Variants in PLXDC2 observed in about 807,000 individuals in gnomAD.
The protein encoded by PLXDC2 is plexin domain containing 2.
In PLXDC2, 40 loss-of-function variants were observed where a neutral mutation model predicts 68.9. The ratio of observed to expected loss-of-function variants is 0.58; its 90% CI spans 0.45 to 0.76. PLXDC2 has a LOEUF of 0.76. Ranked by LOEUF, PLXDC2 falls within the 30% of genes least tolerant of loss-of-function variation. PLXDC2 has a pLI of 0.00. For missense variants in PLXDC2, 644 were observed against 661.9 expected, an observed-to-expected ratio of 0.97 and a Z score of 0.30; for synonymous variants, 243 against 234.2, an observed-to-expected ratio of 1.04 and a Z score of -0.34.
At chr10:20,256,915 C>G (rs1835749796) in intron 13 of PLXDC2, among the ~76,000 whole-genome samples, 1 of 152,194 alleles carries the variant, frequency 6.6e-6, no homozygotes, top group South Asian at 2.1e-4. Context: ...GATAGCACTT[C>G]TTCAAAAGAA....
At chr10:19,831,191 T>G (rs950423154) in intron 1 of PLXDC2, among the ~76,000 whole-genome samples, 1 of 152,230 alleles carries the variant, frequency 6.6e-6, no homozygotes, top group African/African-American at 2.4e-5. Flanking sequence ...TCATAAGCTG[T>G]GACTGTGATA....
At chr10:20,207,116 A>G (rs1835004077) in intron 9 of PLXDC2, among the ~76,000 whole-genome samples, 1 of 152,144 alleles carries the variant, frequency 6.6e-6, no homozygotes, top group African/African-American at 2.4e-5. Context: ...ATATGCCACA[A>G]AAAGTATGAG....
intron 6 of PLXDC2, among the ~76,000 whole-genome samples, chr10:20,149,221 TTTCTTTTC>T: frequency 7.6e-6 from 1 of 131,164 alleles, no homozygotes; most frequent in African/African-American, 2.8e-5. Context: ...TTTCTTTTTT[TTTCTTTTC>T]TTTTTTTTTT....
At chr10:20,239,164 G>A (rs552717600) in intron 12 of PLXDC2, among the ~76,000 whole-genome samples, 2 of 152,234 alleles carry the variant, frequency 1.3e-5, no homozygotes, top group South Asian at 2.1e-4. Context: ...GTTTTACTAA[G>A]TATGTGAGAA....
chr10:19,929,876 G>A lies in PLXDC2; in HGVS notation c.113-71899G>A, dbSNP rs533057938. Among the ~76,000 whole-genome samples, 4 of 152,298 alleles carry A rather than the reference G, an allele frequency of 2.6e-5. No individual in the cohort carries two copies. In the South Asian group the frequency reaches 8.3e-4, roughly 32 times the overall value. On this transcript the variant is annotated intron_variant, in intron 1 of 13. Coordinates refer to ENST00000377252, the MANE Select transcript of PLXDC2 (RefSeq NM_032812.9). Reference sequence around the variant, plus strand: ...ATATTCAGTTCCAGAAAATCACTTTGTAGGTGGAACTGTGGTAGTGCCTGT... The same window carrying A: ...ATATTCAGTTCCAGAAAATCACTTTATAGGTGGAACTGTGGTAGTGCCTGT...
In PLXDC2 at chr10:19,820,326, A is replaced by C. The variant is rs368712336; in HGVS notation, c.112+3135A>C. On this transcript the variant is annotated intron_variant, in intron 1 of 13. Transcript: ENST00000377252. ...TTCACTGTAAGCATCAGATACTCAC[A>C]GAGTATGTAGAAAATATGTGTCCGG... Among the ~76,000 whole-genome samples, 8 of 152,186 alleles carry C rather than the reference A, an allele frequency of 5.3e-5. No individual in the cohort carries two copies. In the East Asian group the frequency reaches 1.2e-3, roughly 22 times the overall value.
At chr10:19,953,943 A>C (rs1834029242) in intron 1 of PLXDC2, among the ~76,000 whole-genome samples, 1 of 152,102 alleles carries the variant, frequency 6.6e-6, no homozygotes, top group South Asian at 2.1e-4. Flanking sequence ...GACAGCTGAT[A>C]ATTTTTGGAA....
chr10:20,182,372 GCTTT>G (rs953671622), intron 9 of PLXDC2, among the ~76,000 whole-genome samples: 6 of 151,890 alleles, frequency 4.0e-5, no homozygotes, highest in Admixed American at 3.3e-4. Context: ...TCTGAATTTA[GCTTT>G]CTTTCACTCA....
intron 4 of PLXDC2, among the ~76,000 whole-genome samples, chr10:20,076,366 C>T (rs1005565988): frequency 1.3e-5 from 2 of 152,138 alleles, no homozygotes; most frequent in Non-Finnish European, 1.5e-5. Flanking sequence ...CCAAGGCAAT[C>T]GTAACTGTAT....
rs371987933 is a variant in PLXDC2 at position 20,177,100 on chromosome 10, C to G, written c.979+6C>G. ...GGAGATGACCCCATTACCCAGTAAG[C>G]GAATATGTAAACCTAGGTGGAAAAC... On this transcript the variant is annotated splice_donor_region_variant and intron_variant, in intron 8 of 13. Transcript: ENST00000377252. 1 of 1,586,446 alleles carries G rather than the reference C, an allele frequency of 6.3e-7. No individual in the cohort carries two copies. The highest frequency in any genetic ancestry group is 1.1e-5 in the South Asian group (1 of 90,422).
In PLXDC2 at chr10:19,900,981, A is replaced by ATGTGTG. The variant is rs71388879; in HGVS notation, c.112+83820_112+83825dup. Among the ~76,000 whole-genome samples the ATGTGTG allele has an allele frequency of 4.2e-3, 603 of 144,554 alleles. 1 individual carries two copies. Among genetic ancestry groups the ATGTGTG allele is most frequent in the Non-Finnish European group, 5.9e-3 (383 of 65,426 alleles). The allele number at this position is 144,554 out of a possible 152,430, so 94.8% of individuals were successfully genotyped here. A position where few individuals can be genotyped will look rare whatever the true frequency, so the allele number is the denominator to read the frequency against. The stretch of plus-strand genomic sequence containing the variant: ...TAGTATCCCATGGTATATATGTGTG[A>ATGTGTG]TGTGTGTGTGTGTGTGTGTGTGTGT... On this transcript the variant is annotated intron_variant, in intron 1 of 13. Transcript: ENST00000377252.
At chr10:20,033,201 T>A (rs1002904958) in intron 2 of PLXDC2, among the ~76,000 whole-genome samples, 1 of 144,176 alleles carries the variant, frequency 6.9e-6, no homozygotes, top group South Asian at 2.1e-4. Context: ...TATAAAAAAA[T>A]AAAATAAAAA....
chr10:20,118,787 T>G (rs1373531508), intron 4 of PLXDC2, among the ~76,000 whole-genome samples: 3 of 152,248 alleles, frequency 2.0e-5, no homozygotes, highest in Admixed American at 6.5e-5. Flanking sequence ...TTTCATTATT[T>G]ATCTCATATA....
intron 1 of PLXDC2, among the ~76,000 whole-genome samples, chr10:19,924,308 G>C (rs1047834831): frequency 6.6e-6 from 1 of 152,022 alleles, no homozygotes. Context: ...AGGCTTCTTG[G>C]CAGAGAGGTT....
At chr10:19,992,646 C>A (rs769220888) in intron 1 of PLXDC2, among the ~76,000 whole-genome samples, 2 of 151,992 alleles carry the variant, frequency 1.3e-5, no homozygotes, top group Non-Finnish European at 2.9e-5. Context: ...TCAATTAATG[C>A]AAAGATTAAT....
intron 12 of PLXDC2, among the ~76,000 whole-genome samples, chr10:20,220,878 T>C (rs11817855): frequency 0.017 from 2,553 of 148,856 alleles, 81 homozygotes; most frequent in African/African-American, 0.059. Context: ...TTTCACTTGT[T>C]GTTGCCCAGG....
chr10:20,094,545 G>A (rs1471728543), intron 4 of PLXDC2, among the ~76,000 whole-genome samples: 1 of 96,658 alleles, frequency 1.0e-5, no homozygotes, highest in African/African-American at 5.0e-5. Flanking sequence ...AACTGAGTTT[G>A]TTTTTCATTA....
At chr10:20,140,302 A>G (rs1214228743) in intron 4 of PLXDC2, among the ~76,000 whole-genome samples, 2 of 152,112 alleles carry the variant, frequency 1.3e-5, no homozygotes, top group Non-Finnish European at 2.9e-5. Context: ...CCATCTCAAA[A>G]AAATAAAAAT....
chr10:20,011,787 C>T (rs938642618), intron 2 of PLXDC2, among the ~76,000 whole-genome samples: 7 of 152,206 alleles, frequency 4.6e-5, no homozygotes, highest in African/African-American at 1.7e-4. Context: ...AACATCAGAG[C>T]TACTACTTAT....
Sources: allele counts gnomAD v4.1 joint callset (sites outside exome capture counted in the v4.1 genomes callset), GRCh38; gene constraint gnomAD v4.1.1; transcripts MANE v1.5; gene names NCBI Gene and HGNC (gene_info 2026-07-23, HGNC 2026-07-21).